Variants in EIF2S2 observed in about 807,000 individuals in gnomAD.
The protein encoded by EIF2S2 is eukaryotic translation initiation factor 2 subunit 2.
In EIF2S2, 4 loss-of-function variants were observed where a neutral mutation model predicts 44.0. The observed-to-expected ratio is 0.09, with a 90% CI of 0.04 to 0.21. The LOEUF (loss-of-function observed/expected upper bound fraction) is 0.21. Among genes scored for constraint, EIF2S2 ranks in the 10% least tolerant of loss-of-function variants. The pLI is 1.00. For synonymous variants in EIF2S2, 108 were observed against 128.3 expected (o/e 0.84, Z 1.07); for missense variants, 154 against 392.0 (o/e 0.39, Z 5.13).
chr20:34,106,440 T>G (rs1276571714), intron 1 of EIF2S2, among the ~76,000 whole-genome samples: 3 of 151,238 alleles, frequency 2.0e-5, no homozygotes, highest in Non-Finnish European at 4.4e-5. Context: ...TTTTTTTTTT[T>G]TTTTTAAATG....
At chr20:34,111,790 T>C (rs895327176) in intron 1 of EIF2S2, among the ~76,000 whole-genome samples, 4 of 152,202 alleles carry the variant, frequency 2.6e-5, no homozygotes, top group African/African-American at 9.7e-5. Context: ...AGCCCCAGTC[T>C]CGTTCGGGGT....
intron 1 of EIF2S2, among the ~76,000 whole-genome samples, chr20:34,110,755 T>C (rs778458073): frequency 5.9e-5 from 9 of 152,222 alleles, no homozygotes; most frequent in African/African-American, 1.9e-4. Flanking sequence ...ACGTAAGTAC[T>C]GTATTTGCCA....
chr20:34,093,689 A>G lies in EIF2S2; in HGVS notation c.726T>C (p.Ala242=), dbSNP rs1215994072. ...CAGTTTCTTACCTTGTACCCAATTC[A>G]GCCAACAAAAATGCAAGGAGATGTT... ...QPKHLLAFLL[A]ELGTSGSIDG... Residue 242 remains alanine (A), a synonymous_variant, in exon 7 of 9, where the codon GCT becomes GCC. Coordinates refer to ENST00000374980, the MANE Select transcript of EIF2S2 (RefSeq NM_003908.5). 3 of 1,608,926 alleles carry G rather than the reference A, an allele frequency of 1.9e-6. No homozygotes were observed. Among genetic ancestry groups the G allele is most frequent in the Non-Finnish European group, 2.5e-6 (3 of 1,176,992 alleles).
chr20:34,110,700 T>C (rs2034402755), intron 1 of EIF2S2, among the ~76,000 whole-genome samples: 1 of 152,154 alleles, frequency 6.6e-6, no homozygotes, highest in Admixed American at 6.5e-5. Flanking sequence ...TTGTGTGTCA[T>C]CTAGTTGACC....
chr20:34,096,359 G>C (rs1181273566), intron 6 of EIF2S2, among the ~76,000 whole-genome samples: 1 of 152,120 alleles, frequency 6.6e-6, no homozygotes, highest in African/African-American at 2.4e-5. Flanking sequence ...CAGCTACTTA[G>C]GAGGCTGAAG....
chr20:34,090,006 C>G (rs926700235), intron 8 of EIF2S2, 101 bp from the exon 9 acceptor site: 8 of 1,335,532 alleles, frequency 6.0e-6, no homozygotes, highest in East Asian at 2.3e-5. Context: ...CAAGCCCAGG[C>G]TGAGAATTTA....
chr20:34,093,615 C>G (rs1265153245), intron 7 of EIF2S2, 60 bp downstream of exon 7: 15 of 1,436,680 alleles, frequency 1.0e-5, no homozygotes, highest in Non-Finnish European at 1.3e-5. Flanking sequence ...ATATCCTTTT[C>G]AAGAAAGGTT....
intron 3 of EIF2S2, 101 bp downstream of exon 3, chr20:34,103,361 A>ATT (rs2034314701): frequency 8.5e-5 from 121 of 1,426,768 alleles, no homozygotes; most frequent in Non-Finnish European, 1.1e-4. Flanking sequence ...GCTAATAACA[A>ATT]AAGCAAAGCT....
intron 4 of EIF2S2, among the ~76,000 whole-genome samples, chr20:34,098,017 G>A (rs532003905): frequency 5.3e-5 from 8 of 152,168 alleles, no homozygotes; most frequent in South Asian, 2.1e-4. Context: ...AGGCCGAGGC[G>A]GACGGATCAC....
chr20:34,108,544 G>T (rs1465350470), intron 1 of EIF2S2, among the ~76,000 whole-genome samples: 1 of 152,106 alleles, frequency 6.6e-6, no homozygotes, highest in East Asian at 1.9e-4. Flanking sequence ...CTCCAAATTG[G>T]TTTTCTTTTA....
At position 34,112,213 on chromosome 20, in the gene EIF2S2, C is replaced by A. The variant is rs1355284950; in HGVS notation, c.-103G>T. ...TGCCGATACCTCTCCCACCACCGCACTAGGCTCTTGCATCAGCGAAAGGAA... is the reference window on the plus strand; with the variant it reads ...TGCCGATACCTCTCCCACCACCGCAATAGGCTCTTGCATCAGCGAAAGGAA... On this transcript the variant is annotated 5_prime_UTR_variant, in exon 1 of 9. Transcript: ENST00000374980. 3 of 1,284,954 alleles carry A rather than the reference C, an allele frequency of 2.3e-6. No homozygotes were observed. The African/African-American group carries it at 4.6e-5, about 20-fold the overall frequency. The allele number at this position is 1,284,954 out of a possible 1,614,324, so 79.6% of individuals were successfully genotyped here. A position where few individuals can be genotyped will look rare whatever the true frequency, so the allele number is the denominator to read the frequency against.
intron 1 of EIF2S2, among the ~76,000 whole-genome samples, chr20:34,108,471 G>A (rs1490883281): frequency 6.6e-6 from 1 of 152,192 alleles, no homozygotes; most frequent in Non-Finnish European, 1.5e-5. Context: ...GGCCATGTTA[G>A]TCTTGACTAA....
rs2034140234 is a variant in EIF2S2, at chr20:34,089,672, G to A, written c.*58C>T. 1 of 1,561,368 alleles carries A rather than the reference G, an allele frequency of 6.4e-7. No homozygotes were observed. Among genetic ancestry groups the A allele is most frequent in the Non-Finnish European group, 8.7e-7 (1 of 1,152,952 alleles). On this transcript the variant is annotated 3_prime_UTR_variant, in exon 9 of 9. Coordinates refer to ENST00000374980, the MANE Select transcript of EIF2S2 (RefSeq NM_003908.5). ...AATACAACGGTATATCCACTCTGAT[G>A]GCAAACCTGTCCAGCCACATCTCCA...
At chr20:34,109,722 TTA>T (rs1333844698) in intron 1 of EIF2S2, among the ~76,000 whole-genome samples, 2 of 151,858 alleles carry the variant, frequency 1.3e-5, no homozygotes, top group Non-Finnish European at 2.9e-5. Context: ...TTGAAAATCG[TTA>T]TGTTTTGGCA....
Position 34,096,666 on chromosome 20 carries a change from A to G in EIF2S2, c.674T>C (p.Ile225Thr), listed in dbSNP as rs953843750. ...CCATTAACCAACTTACAGTTTACAGATATCTGTAAAGTTGACAAAAGAAGT... is the reference window on the plus strand; with the variant it reads ...CCATTAACCAACTTACAGTTTACAGGTATCTGTAAAGTTGACAAAAGAAGT... Reference protein sequence around the residue: ...KKTSFVNFTDICKLLHRQPKH... With the variant: ...KKTSFVNFTDTCKLLHRQPKH... Residue 225 changes from isoleucine to threonine, a missense_variant, in exon 6 of 9, where the codon ATC becomes ACC. By Grantham distance (89) the Ile-to-Thr change is moderately conservative. Transcript: ENST00000374980. 16 of 1,598,578 alleles carry G rather than the reference A, an allele frequency of 1.0e-5. No homozygotes were observed. Among genetic ancestry groups the G allele is most frequent in the Non-Finnish European group, 1.4e-5 (16 of 1,175,536 alleles).
chr20:34,101,384 C>T (rs1048954633), intron 3 of EIF2S2, among the ~76,000 whole-genome samples: 12 of 152,200 alleles, frequency 7.9e-5, no homozygotes, highest in Non-Finnish European at 1.2e-4. Flanking sequence ...TGCAGTGAAC[C>T]GAGATTGCGC....
intron 1 of EIF2S2, among the ~76,000 whole-genome samples, chr20:34,110,096 C>A (rs1395867832): frequency 1.2e-3 from 106 of 86,090 alleles, no homozygotes; most frequent in African/African-American, 1.6e-3. Flanking sequence ...AATTCCATCT[C>A]AAAAAAAAAA....
intron 8 of EIF2S2, among the ~76,000 whole-genome samples, chr20:34,090,122 C>T (rs1480117689): frequency 6.6e-6 from 1 of 152,200 alleles, no homozygotes; most frequent in Admixed American, 6.5e-5. Context: ...CTCAATGCCC[C>T]AGGATGCAAG....
At position 34,091,778 on chromosome 20, in the gene EIF2S2, G is replaced by GC. The variant is rs2034167780; in HGVS notation, c.741-1177_741-1176insG. 4.7e-5 allele frequency among the ~76,000 whole-genome samples: 4 copies of GC among 85,806 alleles called. No individual in the cohort carries two copies. In the East Asian group the frequency reaches 1.8e-3, roughly 38 times the overall value. The allele number at this position is 85,806 out of a possible 152,430, so 56.3% of individuals were successfully genotyped here. A position where few individuals can be genotyped will look rare whatever the true frequency, so the allele number is the denominator to read the frequency against. ...TTATTTATATATATTTATTTTTTTG[G>GC]GGGGGGGGGGTCCAAGGGTGGAGGT... On this transcript the variant is annotated intron_variant, in intron 7 of 8. Coordinates refer to ENST00000374980, the MANE Select transcript of EIF2S2 (RefSeq NM_003908.5).
Sources: gnomAD v4.1 joint callset for allele counts (sites outside exome capture counted in the v4.1 genomes callset) on GRCh38, gnomAD v4.1.1 for gene constraint, MANE v1.5 for transcripts, NCBI Gene and HGNC (gene_info 2026-07-23, HGNC 2026-07-21) for gene names.